The following MYO18B variants were observed in gnomAD, a reference collection of about 807,000 sequenced individuals.
The protein encoded by MYO18B is unconventional myosin-XVIIIb.
MYO18B carries 204 observed loss-of-function variants against 273.0 expected under a neutral mutation model. The observed-to-expected ratio is 0.75, with a 90% confidence interval of 0.67 to 0.84. The LOEUF is 0.84. Ranked by LOEUF, MYO18B falls within the 40% of genes least tolerant of loss-of-function variation. MYO18B has a pLI of 0.00. For missense variants in MYO18B, 3,212 were observed against 3,287.6 expected, an observed-to-expected ratio of 0.98 and a Z score of 0.56; for synonymous variants, 1,330 against 1,305.7, an observed-to-expected ratio of 1.02 and a Z score of -0.40.
chr22:25,771,982 C>T (rs1601645192), intron 6 of MYO18B, among the ~76,000 whole-genome samples: 1 of 152,196 alleles, frequency 6.6e-6, no homozygotes, highest in African/African-American at 2.4e-5. Context: ...AGCGGATGCT[C>T]GCACACACTG....
intron 42 of MYO18B, 116 bp from the exon 43 acceptor site, chr22:26,026,329 A>G (rs1244168224): frequency 1.7e-6 from 2 of 1,169,688 alleles, no homozygotes; most frequent in African/African-American, 3.1e-5. Flanking sequence ...TGCGGTAGGG[A>G]TGGTATTTCC....
chr22:25,940,448 C>T (rs2092630909), intron 34 of MYO18B, among the ~76,000 whole-genome samples: 1 of 152,160 alleles, frequency 6.6e-6, no homozygotes. Flanking sequence ...TATAAATTAT[C>T]CAGTCTCAGG....
chr22:25,745,352 C>A (rs1302069552), intron 1 of MYO18B, among the ~76,000 whole-genome samples: 1 of 152,022 alleles, frequency 6.6e-6, no homozygotes, highest in Non-Finnish European at 1.5e-5. Flanking sequence ...TCAAGTGATC[C>A]ACCCACCTCA....
chr22:25,785,216 C>T (rs1364292027), intron 10 of MYO18B, among the ~76,000 whole-genome samples: 1 of 152,148 alleles, frequency 6.6e-6, no homozygotes, highest in Non-Finnish European at 1.5e-5. Context: ...ATTTCCTGGC[C>T]TTTAGGAAGG....
chr22:26,047,052 G>T, the MYO18B span, among the ~76,000 whole-genome samples: 4 of 151,994 alleles, frequency 2.6e-5, no homozygotes, highest in African/African-American at 9.7e-5. Flanking sequence ...TGAAAGGGGA[G>T]GTTACAGAAC....
At chr22:25,933,579 T>G (rs2092538269) in intron 34 of MYO18B, among the ~76,000 whole-genome samples, 1 of 152,240 alleles carries the variant, frequency 6.6e-6, no homozygotes, top group South Asian at 2.1e-4. Context: ...TTGATATTAT[T>G]GCGTGTGTTT....
In MYO18B at chr22:26,030,788, A is replaced by G. The variant is rs1037156614; in HGVS notation, c.*358A>G. ...TCTATTTCTCTTCCTACATGTCTAC[A>G]TGCCATGACCTTCCTCCTCCTCTTC... On this transcript the variant is annotated 3_prime_UTR_variant, in exon 44 of 44. Coordinates refer to ENST00000335473, the MANE Select transcript of MYO18B (RefSeq NM_032608.7). The G allele has an allele frequency of 7.6e-6, 3 of 396,502 alleles. No homozygotes were observed. The highest frequency in any genetic ancestry group is 6.2e-5 in the African/African-American group (3 of 48,556). The allele number at this position is 396,502 out of a possible 1,614,324, so 24.6% of individuals were successfully genotyped here.
At chr22:25,998,921 A>G (rs1933633813) in intron 40 of MYO18B, among the ~76,000 whole-genome samples, 1 of 152,180 alleles carries the variant, frequency 6.6e-6, no homozygotes, top group South Asian at 2.1e-4. Context: ...TCTAGCCCAT[A>G]TATCCAGCTA....
At chr22:26,034,251 C>T (rs564600015), downstream of MYO18B, among the ~76,000 whole-genome samples, 17 of 152,298 alleles carry the variant, frequency 1.1e-4, no homozygotes, top group South Asian at 6.2e-4. Context: ...CCTTAGCACC[C>T]GGCGTAGTAA....
chr22:25,989,868 C>T (rs899878572), intron 39 of MYO18B, among the ~76,000 whole-genome samples: 2 of 151,892 alleles, frequency 1.3e-5, no homozygotes, highest in Non-Finnish European at 2.9e-5. Flanking sequence ...TATGAGCTGA[C>T]ATGCTGATGT....
chr22:25,862,896 T>G (rs1242453639), intron 21 of MYO18B, among the ~76,000 whole-genome samples: 1 of 152,100 alleles, frequency 6.6e-6, no homozygotes, highest in Non-Finnish European at 1.5e-5. Context: ...TTTTCATACT[T>G]TTTAAAATCT....
At chr22:25,948,577 CTCTT>C (rs772841695) in intron 36 of MYO18B, among the ~76,000 whole-genome samples, 8 of 70,292 alleles carry the variant, frequency 1.1e-4, no homozygotes, top group Non-Finnish European at 2.1e-4. Flanking sequence ...TTCTTTCCCC[CTCTT>C]TCTTTCTTTC....
At chr22:25,990,323 A>T (rs1201280611) in intron 39 of MYO18B, among the ~76,000 whole-genome samples, 1 of 152,124 alleles carries the variant, frequency 6.6e-6, no homozygotes. Context: ...TTCAGATCCC[A>T]GCTCTGCGCC....
At chr22:25,860,580 T>C (rs1457083352) in intron 21 of MYO18B, among the ~76,000 whole-genome samples, 1 of 152,230 alleles carries the variant, frequency 6.6e-6, no homozygotes, top group East Asian at 1.9e-4. Flanking sequence ...TGATTTCTTC[T>C]TTGGCCCGTT....
the MYO18B span, among the ~76,000 whole-genome samples, chr22:26,038,881 C>T: frequency 2.0e-5 from 3 of 152,140 alleles, no homozygotes; most frequent in Non-Finnish European, 4.4e-5. Context: ...GGTGCATTTT[C>T]TAGGGAGCCT....
At chr22:25,895,774 T>C (rs1028757637) in intron 28 of MYO18B, 1 of 152,608 alleles carries the variant, frequency 6.6e-6, no homozygotes, top group African/African-American at 2.4e-5. Flanking sequence ...TTTCAGGGTC[T>C]CTTTCAGATT....
At chr22:25,871,430 A>T (rs892808603) in intron 22 of MYO18B, among the ~76,000 whole-genome samples, 1 of 152,218 alleles carries the variant, frequency 6.6e-6, no homozygotes, top group Non-Finnish European at 1.5e-5. Flanking sequence ...AAACTCCTCT[A>T]ATCTGTAAAG....
intron 21 of MYO18B, among the ~76,000 whole-genome samples, chr22:25,866,455 A>T (rs1037592225): frequency 6.6e-5 from 10 of 152,152 alleles, no homozygotes; most frequent in African/African-American, 2.4e-4. Context: ...TTTCTCCTGC[A>T]TGGGGCTGCT....
intron 39 of MYO18B, among the ~76,000 whole-genome samples, chr22:25,959,711 T>C (rs2092897295): frequency 6.6e-6 from 1 of 152,206 alleles, no homozygotes. Context: ...TTTGCAGAAG[T>C]TGTCTTCTTT....
Sources: allele counts gnomAD v4.1 joint callset (sites outside exome capture counted in the v4.1 genomes callset), GRCh38; gene constraint gnomAD v4.1.1; transcripts MANE v1.5; gene names NCBI Gene and HGNC (gene_info 2026-07-23, HGNC 2026-07-21).